GTF2E2: variants seen among roughly 807,000 people sequenced by gnomAD.
GTF2E2 encodes the protein general transcription factor IIE subunit 2, also known as transcription initiation factor IIE subunit beta.
Under a neutral mutation model 40.5 loss-of-function variants are expected in GTF2E2, and 21 were observed. The observed-to-expected ratio is 0.52, with a 90% CI of 0.37 to 0.75. The LOEUF (loss-of-function observed/expected upper bound fraction) is 0.75. Among genes scored for constraint, GTF2E2 ranks in the 30% least tolerant of loss-of-function variants. The pLI is 0.00. For synonymous variants in GTF2E2, 117 were observed against 121.6 expected (o/e 0.96, Z 0.25); for missense variants, 298 against 338.4 (o/e 0.88, Z 0.94).
At chr8:30,622,438 T>TA (rs34805955) in intron 3 of GTF2E2, among the ~76,000 whole-genome samples, 53,710 of 151,436 alleles carry the variant, frequency 0.35, 10,675 homozygotes, top group South Asian at 0.55. Context: ...CACAAGATAA[T>TA]AGAGTATCAC....
At chr8:30,616,032 G>C (rs1462611579) in intron 3 of GTF2E2, among the ~76,000 whole-genome samples, 1 of 152,130 alleles carries the variant, frequency 6.6e-6, no homozygotes, top group African/African-American at 2.4e-5. Context: ...AAAACATGGA[G>C]AAACCTTAAA....
At chr8:30,589,365 T>A (rs2151110941) in intron 6 of GTF2E2, among the ~76,000 whole-genome samples, 1 of 152,330 alleles carries the variant, frequency 6.6e-6, no homozygotes, top group East Asian at 1.9e-4. Context: ...AAGACCAGTC[T>A]GGGCAAAAGC....
intron 3 of GTF2E2, among the ~76,000 whole-genome samples, chr8:30,627,956 GACT>G (rs1309333355): frequency 6.6e-6 from 1 of 152,174 alleles, no homozygotes; most frequent in African/African-American, 2.4e-5. Flanking sequence ...AAAATGTTTT[GACT>G]TCAAGTGACA....
rs143821406 is a variant in GTF2E2 at position 30,613,974 on chromosome 8, A to G, written c.366+634T>C. The stretch of plus-strand genomic sequence containing the variant: ...ATAATAGCAGTAATTGTGCAACAAA[A>G]TATCTTCCTATCCCTGCAGTACCTT... On this transcript the variant is annotated intron_variant, in intron 4 of 7. Coordinates refer to ENST00000355904, the MANE Select transcript of GTF2E2 (RefSeq NM_002095.6). 3.1e-3 allele frequency among the ~76,000 whole-genome samples: 479 copies of G among 152,344 alleles called. 1 individual carries two copies. The highest frequency in any genetic ancestry group is 5.2e-3 in the Non-Finnish European group (353 of 68,038).
intron 6 of GTF2E2, among the ~76,000 whole-genome samples, chr8:30,582,494 T>G (rs1030945818): frequency 2.0e-5 from 3 of 152,212 alleles, no homozygotes; most frequent in Non-Finnish European, 4.4e-5. Flanking sequence ...ATATTACTAT[T>G]AATTCATCAA....
intron 3 of GTF2E2, among the ~76,000 whole-genome samples, chr8:30,630,827 T>C (rs1801418840): frequency 6.6e-6 from 1 of 152,098 alleles, no homozygotes; most frequent in Non-Finnish European, 1.5e-5. Context: ...TTTAAAATAT[T>C]TTGGCCCCTG....
At chr8:30,627,545 T>G (rs955966424) in intron 3 of GTF2E2, among the ~76,000 whole-genome samples, 2 of 150,534 alleles carry the variant, frequency 1.3e-5, no homozygotes, top group African/African-American at 4.9e-5. Flanking sequence ...ATGTCTTGAA[T>G]GGGCCAGATG....
intron 2 of GTF2E2, among the ~76,000 whole-genome samples, chr8:30,652,066 T>A (rs1802297360): frequency 6.6e-6 from 1 of 152,016 alleles, no homozygotes; most frequent in South Asian, 2.1e-4. Flanking sequence ...TACACAAAAA[T>A]CAACTCAAAT....
intron 6 of GTF2E2, among the ~76,000 whole-genome samples, chr8:30,602,126 T>A (rs1829197718): frequency 6.6e-6 from 1 of 152,108 alleles, no homozygotes; most frequent in African/African-American, 2.4e-5. Context: ...CATGCGATTC[T>A]TGTGTTTCAG....
intron 3 of GTF2E2, among the ~76,000 whole-genome samples, chr8:30,630,983 G>C (rs1453167331): frequency 6.6e-6 from 1 of 151,988 alleles, no homozygotes; most frequent in Non-Finnish European, 1.5e-5. Flanking sequence ...AATGCACAGA[G>C]AACACTGGTT....
At chr8:30,625,806 C>A (rs1026483854) in intron 3 of GTF2E2, among the ~76,000 whole-genome samples, 1 of 152,090 alleles carries the variant, frequency 6.6e-6, no homozygotes, top group Non-Finnish European at 1.5e-5. Context: ...GCCATGTTGG[C>A]CAGGCTGGTC....
At chr8:30,603,073 A>G (rs1169317328) in intron 6 of GTF2E2, among the ~76,000 whole-genome samples, 2 of 152,136 alleles carry the variant, frequency 1.3e-5, no homozygotes, top group Non-Finnish European at 2.9e-5. Context: ...ATTGTCCTCC[A>G]CTTCAGAATG....
chr8:30,584,433 C>T (rs1262201237), intron 6 of GTF2E2: 1 of 152,158 alleles, frequency 6.6e-6, no homozygotes, highest in Non-Finnish European at 1.5e-5. Flanking sequence ...AATTTAAAGG[C>T]AGACACTTTA....
At position 30,586,813 on chromosome 8, in the gene GTF2E2, G is replaced by C. The variant is rs143444068; in HGVS notation, c.644-6417C>G. Among the ~76,000 whole-genome samples the C allele has an allele frequency of 7.6e-4, 116 of 152,316 alleles. No homozygotes were observed. The East Asian group carries it at 0.016, about 21-fold the overall frequency. ...GAAAACTGAATATCCACATGCAGGAGAATGAAATGAGGCCACTGTCTCACA... is the reference window on the plus strand; with the variant it reads ...GAAAACTGAATATCCACATGCAGGACAATGAAATGAGGCCACTGTCTCACA... On this transcript the variant is annotated intron_variant, in intron 6 of 7. Coordinates refer to ENST00000355904, the MANE Select transcript of GTF2E2 (RefSeq NM_002095.6).
At chr8:30,600,133 GA>G (rs1235398702) in intron 6 of GTF2E2, among the ~76,000 whole-genome samples, 1 of 152,126 alleles carries the variant, frequency 6.6e-6, no homozygotes, top group Non-Finnish European at 1.5e-5. Context: ...CAGCAATGAG[GA>G]AAAAGATTGT....
chr8:30,586,380 G>A (rs1027012068), intron 6 of GTF2E2, among the ~76,000 whole-genome samples: 2 of 152,048 alleles, frequency 1.3e-5, no homozygotes, highest in African/African-American at 2.4e-5. Context: ...AAGAGACTTT[G>A]GTGACTAAGA....
chr8:30,612,299 C>T lies in GTF2E2; in HGVS notation c.549G>A (p.Lys183=). 1 of 1,582,788 alleles carries T rather than the reference C, an allele frequency of 6.3e-7. No homozygotes were observed. The highest frequency in any genetic ancestry group is 8.7e-7 in the Non-Finnish European group (1 of 1,153,386). ...GACATAGAAAGAAAAGAGAGATTAC[C>T]TTGACAGCTTTCTGGGAATTGGGCA... The part of the protein sequence containing the change: ...EALPNSQKAV[K]ALGDQILFVN... Residue 183 remains lysine (K), a splice_region_variant and synonymous_variant, in exon 5 of 8, where the codon AAG becomes AAA. Coordinates refer to ENST00000355904, the MANE Select transcript of GTF2E2 (RefSeq NM_002095.6).
chr8:30,595,603 G>A (rs1402227464), intron 6 of GTF2E2, among the ~76,000 whole-genome samples: 2 of 152,170 alleles, frequency 1.3e-5, no homozygotes, highest in African/African-American at 2.4e-5. Context: ...GCTGAGAAGG[G>A]CAGACTGCTT....
At chr8:30,606,918 C>A in intron 6 of GTF2E2, 139 bp downstream of exon 6, 1 of 428,172 alleles carries the variant, frequency 2.3e-6, no homozygotes, top group Admixed American at 4.3e-5. Flanking sequence ...GACACAGGGG[C>A]CACTGGCTGT....
Sources: gnomAD v4.1 joint callset for allele counts (sites outside exome capture counted in the v4.1 genomes callset) on GRCh38, gnomAD v4.1.1 for gene constraint, MANE v1.5 for transcripts, NCBI Gene and HGNC (gene_info 2026-07-23, HGNC 2026-07-21) for gene names.